SACM1L: variants seen among roughly 807,000 people sequenced by gnomAD.
SACM1L encodes phosphatidylinositol-3-phosphatase SAC1.
SACM1L carries 32 observed loss-of-function variants against 89.5 expected under a neutral mutation model. The ratio of observed to expected loss-of-function variants is 0.36; its 90% CI spans 0.27 to 0.48. SACM1L has a LOEUF of 0.48. Among genes scored for constraint, SACM1L ranks in the 20% least tolerant of loss-of-function variants. SACM1L has a pLI of 0.99. For missense variants in SACM1L, 543 were observed against 708.5 expected (o/e 0.77, Z 2.65); for synonymous variants, 213 against 232.8 (o/e 0.92, Z 0.77).
rs1698939277 is a variant in SACM1L at position 45,727,076 on chromosome 3, G to A, written c.921+3533G>A. Among the ~76,000 whole-genome samples, 14 of 40,362 alleles carry A rather than the reference G, an allele frequency of 3.5e-4. 5 individuals are homozygous for A. The South Asian group carries it at 6.9e-3, about 20-fold the overall frequency. The allele number at this position is 40,362 out of a possible 152,430, so 26.5% of individuals were successfully genotyped here. ...AATTTTTTGTATTTTTAGTAGAGAC[G>A]GGGTTTCACCTTGTTAGCCAGGATG... On this transcript the variant is annotated intron_variant, in intron 11 of 19. Transcript: ENST00000389061.
rs1209731754 is a variant in SACM1L, at chr3:45,726,927, G to A, written c.921+3384G>A. Among the ~76,000 whole-genome samples, 6 of 18,134 alleles carry A rather than the reference G, an allele frequency of 3.3e-4. 3 individuals are homozygous for A. Among genetic ancestry groups the A allele is most frequent in the Non-Finnish European group, 8.0e-4 (6 of 7,454 alleles). 11.9% of individuals were successfully genotyped at this position (18,134 alleles called of 152,430 possible). A position where few individuals can be genotyped will look rare whatever the true frequency, so the allele number is the denominator to read the frequency against. ...GGAGTCTCGCTCTGTCACCCAGGCC[G>A]GACTGCGGACTGCAGTGGCGCAATC... On this transcript the variant is annotated intron_variant, in intron 11 of 19. Transcript: ENST00000389061.
intron 7 of SACM1L, among the ~76,000 whole-genome samples, chr3:45,718,366 G>A (rs1698714323): frequency 6.6e-6 from 1 of 152,054 alleles, no homozygotes; most frequent in Non-Finnish European, 1.5e-5. Context: ...AGAAAGACAA[G>A]GGAATAATGA....
In SACM1L at chr3:45,705,117, CT is replaced by C. The variant is rs769716928; in HGVS notation, c.131-15del. Reference sequence around the variant, plus strand: ...AGCTTTTTGTATGTGATTTTTCTTTCTTTCCTTTCTTTTAAAGTCAAGAAAG... The same window carrying C: ...AGCTTTTTGTATGTGATTTTTCTTTCTTCCTTTCTTTTAAAGTCAAGAAAG... On this transcript the variant is annotated splice_polypyrimidine_tract_variant and intron_variant, in intron 2 of 19. Transcript: ENST00000389061. 1.3e-6 allele frequency: 2 copies of C among 1,560,762 alleles called. No homozygotes were observed. Among genetic ancestry groups the C allele is most frequent in the Admixed American group, 3.6e-5 (2 of 55,422 alleles).
intron 14 of SACM1L, chr3:45,737,316 G>A (rs992670888): frequency 2.9e-5 from 13 of 448,564 alleles, no homozygotes; most frequent in Non-Finnish European, 5.1e-5. Context: ...TCTCTCTTCT[G>A]ACCCTCTCCC....
rs146311965 is a variant in SACM1L, at chr3:45,703,582, A to C, written c.130+47A>C. ...AAGTTTAGGGAGAAAGATTTTATAC[A>C]TAAATTACAGTAATTAAAAAACATC... On this transcript the variant is annotated intron_variant, in intron 2 of 19. Transcript: ENST00000389061. 994 of 1,239,498 alleles carry C rather than the reference A, an allele frequency of 8.0e-4. 8 individuals are homozygous for C. The African/African-American group carries it at 0.013, about 16-fold the overall frequency. 76.8% of individuals were successfully genotyped at this position (1,239,498 alleles called of 1,614,324 possible).
At chr3:45,702,127 G>C (rs574848435) in intron 1 of SACM1L, among the ~76,000 whole-genome samples, 1 of 152,278 alleles carries the variant, frequency 6.6e-6, no homozygotes, top group Non-Finnish European at 1.5e-5. Flanking sequence ...AAGGAAACTA[G>C]CCTAATATTT....
intron 18 of SACM1L, 105 bp from the exon 19 acceptor site, chr3:45,739,482 T>G: frequency 1.0e-6 from 1 of 966,494 alleles, no homozygotes; most frequent in Non-Finnish European, 1.7e-6. Flanking sequence ...GTGTATTAGC[T>G]GACAGATGAG....
At chr3:45,734,643 T>G (rs1424750920) in intron 13 of SACM1L, 1 of 152,008 alleles carries the variant, frequency 6.6e-6, no homozygotes, top group Non-Finnish European at 1.5e-5. Flanking sequence ...CAGGGACTCG[T>G]TATGTTGTCC....
intron 19 of SACM1L, among the ~76,000 whole-genome samples, chr3:45,741,204 C>G (rs1472070168): frequency 1.3e-5 from 2 of 152,086 alleles, no homozygotes; most frequent in Non-Finnish European, 2.9e-5. Flanking sequence ...TTCCACCATC[C>G]TCAGGGCACC....
chr3:45,713,193 A>G lies in SACM1L; in HGVS notation c.540A>G (p.Pro180=), dbSNP rs2271619. The G allele has an allele frequency of 0.13, 209,217 of 1,608,416 alleles. 14,185 individuals are homozygous for G. The highest frequency in any genetic ancestry group is 0.2 in the African/African-American group (14,730 of 74,844). The change falls in exon 6 of 20, where the codon CCA becomes CCG. Residue 180 remains proline (P), a synonymous_variant. Coordinates refer to ENST00000389061, the MANE Select transcript of SACM1L (RefSeq NM_014016.5). ...TTCTAAGAGAACTTTCTGCACAGCC[A>G]GAGGTAATGTACACGAAATAAAATC... ...GHLLRELSAQ[P]EVHRFALPVL...
intron 19 of SACM1L, among the ~76,000 whole-genome samples, chr3:45,740,283 G>A (rs1046434254): frequency 9.9e-5 from 15 of 152,122 alleles, no homozygotes; most frequent in Admixed American, 2.0e-4. Flanking sequence ...TGGGGTGGGC[G>A]GAGGGATGAT....
intron 1 of SACM1L, among the ~76,000 whole-genome samples, chr3:45,701,231 A>G (rs1698259562): frequency 6.6e-6 from 1 of 152,188 alleles, no homozygotes; most frequent in African/African-American, 2.4e-5. Flanking sequence ...GATGTCTTCA[A>G]ATTGTAGTAA....
chr3:45,701,816 C>T (rs1045654258), intron 1 of SACM1L, among the ~76,000 whole-genome samples: 2 of 152,158 alleles, frequency 1.3e-5, no homozygotes, highest in Non-Finnish European at 2.9e-5. Flanking sequence ...GCCATATGAT[C>T]CAGCTGTTCC....
At chr3:45,690,679 A>G (rs1289710219) in intron 1 of SACM1L, among the ~76,000 whole-genome samples, 1 of 152,154 alleles carries the variant, frequency 6.6e-6, no homozygotes, top group Non-Finnish European at 1.5e-5. Context: ...ATTTCTGTTT[A>G]CTGTAATGTT....
intron 1 of SACM1L, among the ~76,000 whole-genome samples, chr3:45,695,615 A>G (rs558147959): frequency 2.0e-5 from 3 of 152,220 alleles, no homozygotes; most frequent in Non-Finnish European, 4.4e-5. Flanking sequence ...GTTTTATGAC[A>G]TATCACTGTG....
intron 1 of SACM1L, among the ~76,000 whole-genome samples, chr3:45,702,695 G>C (rs371244814): frequency 3.3e-5 from 5 of 152,158 alleles, no homozygotes; most frequent in East Asian, 1.9e-4. Flanking sequence ...TTGCTTGCCT[G>C]AACTATTTAA....
At chr3:45,737,927 A>G in intron 16 of SACM1L, 83 bp downstream of exon 16, 2 of 1,095,926 alleles carry the variant, frequency 1.8e-6, no homozygotes, top group Non-Finnish European at 2.8e-6. Context: ...CAGCTTTCAG[A>G]CAGCAGCAGC....
chr3:45,712,347 T>G (rs1468092228), intron 5 of SACM1L, among the ~76,000 whole-genome samples: 3 of 152,110 alleles, frequency 2.0e-5, no homozygotes, highest in Non-Finnish European at 4.4e-5. Flanking sequence ...CAGGTTCCAG[T>G]GATTCTTGTG....
At chr3:45,708,463 A>G (rs1273317743) in intron 4 of SACM1L, among the ~76,000 whole-genome samples, 1 of 152,128 alleles carries the variant, frequency 6.6e-6, no homozygotes, top group Non-Finnish European at 1.5e-5. Flanking sequence ...AGAAGAAAAT[A>G]TATTATTCTA....
Sources: gnomAD v4.1 joint callset for allele counts (sites outside exome capture counted in the v4.1 genomes callset) on GRCh38, gnomAD v4.1.1 for gene constraint, MANE v1.5 for transcripts, NCBI Gene and HGNC (gene_info 2026-07-23, HGNC 2026-07-21) for gene names.